NHLRC2: variants seen among roughly 807,000 people sequenced by gnomAD.
NHLRC2 encodes NHL repeat containing 2, also known as NHL repeat-containing protein 2.
NHLRC2 carries 33 observed loss-of-function variants against 68.1 expected under a neutral mutation model. The observed-to-expected ratio is 0.48, with a 90% CI of 0.37 to 0.65. The LOEUF is 0.65. NHLRC2 is among the 30% of genes least tolerant of loss of function. The pLI, the probability that NHLRC2 is intolerant of heterozygous loss-of-function variation, is 0.00. For missense variants in NHLRC2, 761 were observed against 853.8 expected (o/e 0.89, Z 1.35); for synonymous variants, 311 against 309.6 (o/e 1.00, Z -0.05).
rs1846318129 is a variant in NHLRC2, at chr10:113,910,525, C to T, written c.*1989C>T. On this transcript the variant is annotated 3_prime_UTR_variant, in exon 11 of 11. Transcript: ENST00000369301. Reference sequence around the variant, plus strand: ...ACTGGCCTTAGTTAATTTTTAATCTCATTTGACTTATTATGTTTCTCATTT... The same window carrying T: ...ACTGGCCTTAGTTAATTTTTAATCTTATTTGACTTATTATGTTTCTCATTT... 2 of 152,076 alleles carry T rather than the reference C, an allele frequency of 1.3e-5. No individual in the cohort carries two copies. The highest frequency in any genetic ancestry group is 4.8e-5 in the African/African-American group (2 of 41,434). The allele number at this position is 152,076 out of a possible 1,614,324, so 9.4% of individuals were successfully genotyped here.
At chr10:113,888,101 A>G (rs1846098276) in intron 5 of NHLRC2, among the ~76,000 whole-genome samples, 1 of 152,212 alleles carries the variant, frequency 6.6e-6, no homozygotes, top group Non-Finnish European at 1.5e-5. Context: ...AAATTTAAAA[A>G]AATTGTAAGA....
At position 113,879,672 on chromosome 10, in the gene NHLRC2, A is replaced by T. The variant is rs751478022; in HGVS notation, c.886A>T (p.Thr296Ser). The change falls in exon 4 of 11, where the codon ACT (threonine) becomes TCT (serine). Residue 296 changes from threonine (T) to serine (S), a missense_variant. Coordinates refer to ENST00000369301, the MANE Select transcript of NHLRC2 (RefSeq NM_198514.4). ...IMNNIIYVAD[T>S]ENHLIRKIDL... ...GAATAATATCATATATGTGGCAGAC[A>T]CTGAAAACCACCTTATAAGAAAGGT... is the stretch of plus-strand genomic sequence containing the variant. 6.6e-7 allele frequency: 1 copy of T among 1,516,252 alleles called. No individual in the cohort carries two copies. The highest frequency in any genetic ancestry group is 1.2e-5 in the South Asian group (1 of 82,876). 93.9% of individuals were successfully genotyped at this position (1,516,252 alleles called of 1,614,324 possible).
intron 2 of NHLRC2, among the ~76,000 whole-genome samples, chr10:113,875,186 C>T (rs982230612): frequency 6.6e-6 from 1 of 151,890 alleles, no homozygotes; most frequent in African/African-American, 2.4e-5. Context: ...CTGTAGGGAA[C>T]ATTGGTAGCC....
At chr10:113,865,968 C>T (rs184587088) in intron 2 of NHLRC2, among the ~76,000 whole-genome samples, 3 of 152,236 alleles carry the variant, frequency 2.0e-5, no homozygotes, top group East Asian at 1.9e-4. Context: ...TATTTATGTT[C>T]TCGAAGTGAC....
In NHLRC2 at chr10:113,875,056, C is replaced by A. The variant is rs1845965423; in HGVS notation, c.332-1465C>A. Among the ~76,000 whole-genome samples, 4 of 150,882 alleles carry A rather than the reference C, an allele frequency of 2.7e-5. No homozygotes were observed. The Admixed American group carries it at 2.7e-4, about 10-fold the overall frequency. On this transcript the variant is annotated intron_variant, in intron 2 of 10. Coordinates refer to ENST00000369301, the MANE Select transcript of NHLRC2 (RefSeq NM_198514.4). ...CGGTATCTGTTGCTTGTTTTTTTTG[C>A]CCCCTACCTTGATAACTGACCATAT...
At chr10:113,904,500 A>T (rs144560502) in intron 9 of NHLRC2, among the ~76,000 whole-genome samples, 3 of 152,222 alleles carry the variant, frequency 2.0e-5, no homozygotes, top group Non-Finnish European at 4.4e-5. Context: ...AATGAAAATT[A>T]TAAGAAAATG....
chr10:113,894,064 C>T (rs112676965), intron 5 of NHLRC2, among the ~76,000 whole-genome samples: 1 of 152,122 alleles, frequency 6.6e-6, no homozygotes, highest in African/African-American at 2.4e-5. Context: ...GAGAAGTGGT[C>T]AGATTTTGAA....
At chr10:113,871,129 A>G (rs1343587736) in intron 2 of NHLRC2, among the ~76,000 whole-genome samples, 8 of 148,616 alleles carry the variant, frequency 5.4e-5, no homozygotes, top group South Asian at 4.2e-4. Flanking sequence ...GGTTCAAGCA[A>G]TTCTCCTGCC....
chr10:113,896,596 G>A (rs1846180004), intron 5 of NHLRC2, among the ~76,000 whole-genome samples: 1 of 152,040 alleles, frequency 6.6e-6, no homozygotes, highest in South Asian at 2.1e-4. Context: ...CAGCGCACCA[G>A]CATGGCACAT....
chr10:113,915,047 T>C lies in NHLRC2; in HGVS notation c.*6511T>C, dbSNP rs528952599. The C allele has an allele frequency of 4.4e-6, 2 of 456,254 alleles. No individual in the cohort carries two copies. Among genetic ancestry groups the C allele is most frequent in the African/African-American group, 2.0e-5 (1 of 50,196 alleles). 28.3% of individuals were successfully genotyped at this position (456,254 alleles called of 1,614,324 possible). A position where few individuals can be genotyped will look rare whatever the true frequency, so the allele number is the denominator to read the frequency against. On this transcript the variant is annotated 3_prime_UTR_variant, in exon 11 of 11. Transcript: ENST00000369301. ...CTTTTCTGATTGCATCCCACCTGTT[T>C]CTGAGTGTGTTGGTTTGGTTTAATT...
chr10:113,859,869 G>A (rs1845799752), intron 2 of NHLRC2, among the ~76,000 whole-genome samples: 1 of 152,180 alleles, frequency 6.6e-6, no homozygotes, highest in South Asian at 2.1e-4. Flanking sequence ...GGAGACAATT[G>A]AGCTAGAACT....
chr10:113,892,574 A>C (rs1846142408), intron 5 of NHLRC2, among the ~76,000 whole-genome samples: 1 of 152,048 alleles, frequency 6.6e-6, no homozygotes, highest in South Asian at 2.1e-4. Context: ...TGGAGGCCAC[A>C]CTCCAGGATG....
At chr10:113,878,108 A>G (rs535019886) in intron 3 of NHLRC2, among the ~76,000 whole-genome samples, 184 of 152,348 alleles carry the variant, frequency 1.2e-3, no homozygotes, top group Non-Finnish European at 2.0e-3. Flanking sequence ...TTTTTAAAAA[A>G]GAATTCTTTG....
chr10:113,893,807 A>G (rs574508842), intron 5 of NHLRC2, among the ~76,000 whole-genome samples: 6 of 152,342 alleles, frequency 3.9e-5, no homozygotes, highest in Non-Finnish European at 7.3e-5. Flanking sequence ...TCAGCTATGC[A>G]CCAACATAGC....
chr10:113,859,955 A>G (rs969286810), intron 2 of NHLRC2, among the ~76,000 whole-genome samples: 1 of 152,214 alleles, frequency 6.6e-6, no homozygotes, highest in Non-Finnish European at 1.5e-5. Context: ...AGCTTCAGGT[A>G]AACAAGCATG....
chr10:113,864,173 T>TA (rs1453580801), intron 2 of NHLRC2, among the ~76,000 whole-genome samples: 1 of 152,196 alleles, frequency 6.6e-6, no homozygotes, highest in African/African-American at 2.4e-5. Flanking sequence ...ACAGGGTACT[T>TA]AGAGTAATCT....
rs1406904582 is a variant in NHLRC2 at position 113,910,132 on chromosome 10, C to CA, written c.*1603dup. ...TAAACCTTTTCTCTCCACAAGCAAT[C>CA]AAAAAAATGAAATGTTCTGTAATAA... is the stretch of plus-strand genomic sequence containing the variant. On this transcript the variant is annotated 3_prime_UTR_variant, in exon 11 of 11. Transcript: ENST00000369301. 6.6e-6 allele frequency: 1 copy of CA among 151,938 alleles called. No individual in the cohort carries two copies. Among genetic ancestry groups the CA allele is most frequent in the Non-Finnish European group, 1.5e-5 (1 of 67,962 alleles). 9.4% of individuals were successfully genotyped at this position (151,938 alleles called of 1,614,324 possible).
intron 5 of NHLRC2, among the ~76,000 whole-genome samples, chr10:113,890,178 A>T (rs1846118600): frequency 6.6e-6 from 1 of 152,220 alleles, no homozygotes. Flanking sequence ...CTGCCTGAAG[A>T]ACTTCTTATG....
chr10:113,869,815 T>C (rs560481932), intron 2 of NHLRC2, among the ~76,000 whole-genome samples: 1 of 152,354 alleles, frequency 6.6e-6, no homozygotes, highest in Admixed American at 6.5e-5. Flanking sequence ...AAATAATTAC[T>C]GTGATAATTT....
Sources: allele counts gnomAD v4.1 joint callset (sites outside exome capture counted in the v4.1 genomes callset), GRCh38; gene constraint gnomAD v4.1.1; transcripts MANE v1.5; gene names NCBI Gene and HGNC (gene_info 2026-07-23, HGNC 2026-07-21).